KIF2A: variants seen among roughly 807,000 people sequenced by gnomAD.
KIF2A encodes kinesin family member 2A, also known as kinesin-like protein KIF2A.
Under a neutral mutation model 100.2 loss-of-function variants are expected in KIF2A, and 22 were observed. The observed-to-expected ratio is 0.22, with a 90% confidence interval of 0.16 to 0.31. The LOEUF is 0.31. KIF2A is among the 10% of genes least tolerant of loss of function. The probability of loss-of-function intolerance (pLI) is 1.00; values close to 1 mark genes in which losing one functional copy is unlikely to be tolerated. For synonymous variants in KIF2A, 268 were observed against 285.9 expected, an observed-to-expected ratio of 0.94 and a Z score of 0.63; for missense variants, 495 against 898.7, an observed-to-expected ratio of 0.55 and a Z score of 5.74.
chr5:62,355,078 AT>A (rs1748033653), intron 6 of KIF2A, 80 bp from the exon 7 acceptor site: 1 of 681,708 alleles, frequency 1.5e-6, no homozygotes, highest in South Asian at 2.1e-5. Context: ...GCACAATTTA[AT>A]TTTAATTTTC....
intron 7 of KIF2A, among the ~76,000 whole-genome samples, chr5:62,356,699 A>G (rs1320505342): frequency 6.6e-6 from 1 of 151,932 alleles, no homozygotes; most frequent in African/African-American, 2.4e-5. Flanking sequence ...AACTTTCCCT[A>G]TGATCAACCT....
intron 4 of KIF2A, among the ~76,000 whole-genome samples, chr5:62,351,245 T>TG (rs1357760822): frequency 6.6e-6 from 1 of 151,612 alleles, no homozygotes; most frequent in African/African-American, 2.4e-5. Context: ...AATAAATAAA[T>TG]AAATAATATA....
intron 19 of KIF2A, 139 bp downstream of exon 19, chr5:62,377,901 A>G (rs1741616500): frequency 4.5e-6 from 2 of 440,636 alleles, no homozygotes; most frequent in Admixed American, 4.2e-5. Flanking sequence ...GGCATGTGAC[A>G]TGGCAAATTT....
intron 1 of KIF2A, among the ~76,000 whole-genome samples, chr5:62,312,152 C>T (rs1275903100): frequency 1.3e-5 from 2 of 152,214 alleles, no homozygotes; most frequent in Non-Finnish European, 2.9e-5. Context: ...AAAATAGGCA[C>T]TTATTGCTTC....
At chr5:62,323,973 G>A (rs1247679540) in intron 1 of KIF2A, among the ~76,000 whole-genome samples, 1 of 152,086 alleles carries the variant, frequency 6.6e-6, no homozygotes, top group Non-Finnish European at 1.5e-5. Flanking sequence ...GGTTGAGGCT[G>A]CAGTGAGCTG....
At chr5:62,332,670 G>T (rs6449596) in intron 1 of KIF2A, among the ~76,000 whole-genome samples, 37,639 of 151,980 alleles carry the variant, frequency 0.25, 4,742 homozygotes, top group Middle Eastern at 0.3. Flanking sequence ...ATGGTTGAAT[G>T]TAGACTAAAT....
chr5:62,381,001 C>T (rs1336896684), intron 19 of KIF2A, 117 bp from the exon 20 acceptor site: 1 of 738,816 alleles, frequency 1.4e-6, no homozygotes, highest in African/African-American at 1.8e-5. Flanking sequence ...TGTTTTATGT[C>T]TATTGACATT....
rs1355532750 is a variant in KIF2A, at chr5:62,389,202, C to T, written c.*3633C>T. On this transcript the variant is annotated 3_prime_UTR_variant, in exon 21 of 21. Transcript: ENST00000407818. The stretch of plus-strand genomic sequence containing the variant: ...AATACTAGTTATTAAAGAAACGTTA[C>T]TGGCTGGGCGCAGTGGCTTATGCCT... 5.3e-5 allele frequency: 36 copies of T among 683,488 alleles called. No homozygotes were observed. In the Admixed American group the frequency reaches 1.2e-3, roughly 22 times the overall value. 42.3% of individuals were successfully genotyped at this position (683,488 alleles called of 1,614,324 possible). A position where few individuals can be genotyped will look rare whatever the true frequency, so the allele number is the denominator to read the frequency against.
At chr5:62,353,418 G>C (rs201819109) in intron 6 of KIF2A, 43 bp downstream of exon 6, 105 of 989,790 alleles carry the variant, frequency 1.1e-4, no homozygotes, top group Admixed American at 3.3e-5. Context: ...ACCAACCAGA[G>C]ATTAGATTAT....
At chr5:62,334,140 A>G (rs936634001) in intron 1 of KIF2A, among the ~76,000 whole-genome samples, 1 of 151,920 alleles carries the variant, frequency 6.6e-6, no homozygotes, top group African/African-American at 2.4e-5. Context: ...GACCTCATCA[A>G]TTTGTACTTT....
At chr5:62,374,765 C>T (rs764749807) in intron 18 of KIF2A, among the ~76,000 whole-genome samples, 6 of 152,076 alleles carry the variant, frequency 3.9e-5, no homozygotes, top group Non-Finnish European at 8.8e-5. Context: ...CCTGTGTCTA[C>T]TAACTACAAA....
At chr5:62,366,581 T>C (rs1352263399) in intron 16 of KIF2A, 100 bp downstream of exon 16, 19 of 697,866 alleles carry the variant, frequency 2.7e-5, no homozygotes, top group Non-Finnish European at 4.1e-5. Flanking sequence ...CCTGTAATCC[T>C]AGCACTTTGG....
chr5:62,363,379 T>A, intron 13 of KIF2A, 59 bp downstream of exon 13: 1 of 1,475,136 alleles, frequency 6.8e-7, no homozygotes, highest in African/African-American at 1.4e-5. Flanking sequence ...GGGTACAGTA[T>A]AACAAAATGA....
chr5:62,378,185 C>T (rs17381617), intron 19 of KIF2A, among the ~76,000 whole-genome samples: 13,668 of 152,272 alleles, frequency 0.09, 774 homozygotes, highest in African/African-American at 0.16. Context: ...TGGAGAGTTA[C>T]TGCTCTGAGC....
chr5:62,336,894 G>T (rs1340011540), intron 1 of KIF2A, among the ~76,000 whole-genome samples: 1 of 152,092 alleles, frequency 6.6e-6, no homozygotes, highest in Non-Finnish European at 1.5e-5. Context: ...AGAGAAAAAA[G>T]TTTACCAAAA....
In KIF2A at chr5:62,306,351, C is replaced by A. The variant is rs1745265378; in HGVS notation, c.-122C>A. ...GCGGCCCCGCTTGCGTTCACGCTGTCGCCCGGGCCGGCGCGGCCGCGGGCA... is the reference window on the plus strand; with the variant it reads ...GCGGCCCCGCTTGCGTTCACGCTGTAGCCCGGGCCGGCGCGGCCGCGGGCA... On this transcript the variant is annotated 5_prime_UTR_variant, in exon 1 of 21. Transcript: ENST00000407818. 1 of 776,894 alleles carries A rather than the reference C, an allele frequency of 1.3e-6. No individual in the cohort carries two copies. Among genetic ancestry groups the A allele is most frequent in the Non-Finnish European group, 2.1e-6 (1 of 472,034 alleles). 48.1% of individuals were successfully genotyped at this position (776,894 alleles called of 1,614,324 possible). A position where few individuals can be genotyped will look rare whatever the true frequency, so the allele number is the denominator to read the frequency against.
rs1747937547 is a variant in KIF2A, at chr5:62,353,107, T to G, written c.458-168T>G. 3 of 492,814 alleles carry G rather than the reference T, an allele frequency of 6.1e-6. No homozygotes were observed. The Admixed American group carries it at 1.2e-4, about 19-fold the overall frequency. The allele number at this position is 492,814 out of a possible 1,614,324, so 30.5% of individuals were successfully genotyped here. A position where few individuals can be genotyped will look rare whatever the true frequency, so the allele number is the denominator to read the frequency against. On this transcript the variant is annotated intron_variant, in intron 5 of 20. Transcript: ENST00000407818. The stretch of plus-strand genomic sequence containing the variant: ...CTCTCATCTGTACATTGTCCTATTT[T>G]AGTTTTGGTAAAGCAGCTCATTAAG...
chr5:62,315,637 A>G (rs537636810), intron 1 of KIF2A, among the ~76,000 whole-genome samples: 1 of 152,210 alleles, frequency 6.6e-6, no homozygotes, highest in Non-Finnish European at 1.5e-5. Context: ...AGGATGATGA[A>G]GAAGATAAGG....
chr5:62,336,779 T>C (rs140269595), intron 1 of KIF2A, among the ~76,000 whole-genome samples: 8 of 152,214 alleles, frequency 5.3e-5, no homozygotes, highest in African/African-American at 1.9e-4. Context: ...AAGAAAGAAG[T>C]AATAATAGCA....
Sources: gnomAD v4.1 joint callset for allele counts (sites outside exome capture counted in the v4.1 genomes callset) on GRCh38, gnomAD v4.1.1 for gene constraint, MANE v1.5 for transcripts, NCBI Gene and HGNC (gene_info 2026-07-23, HGNC 2026-07-21) for gene names.